UBE3D: variants seen among roughly 807,000 people sequenced by gnomAD.
UBE3D encodes ubiquitin protein ligase E3D.
In UBE3D, 48 loss-of-function variants were observed where a neutral mutation model predicts 49.6. The observed-to-expected ratio is 0.97, with a 90% CI of 0.77 to 1.23. The LOEUF (loss-of-function observed/expected upper bound fraction) is 1.23. Ranked by LOEUF, UBE3D falls within the 50% of genes most tolerant of loss-of-function variation. The pLI is 0.00. For missense variants in UBE3D, 452 were observed against 468.4 expected (o/e 0.96, Z 0.32); for synonymous variants, 189 against 174.2 (o/e 1.08, Z -0.67).
chr6:82,990,922 A>C (rs897978674), intron 8 of UBE3D, among the ~76,000 whole-genome samples: 2 of 151,670 alleles, frequency 1.3e-5, no homozygotes, highest in African/African-American at 4.9e-5. Flanking sequence ...ATAAACTTCT[A>C]AATTGATTGA....
At chr6:82,927,141 T>C (rs1271917449) in intron 9 of UBE3D, among the ~76,000 whole-genome samples, 1 of 152,028 alleles carries the variant, frequency 6.6e-6, no homozygotes, top group East Asian at 1.9e-4. Flanking sequence ...TGCTTCTCTG[T>C]CAAAGATCAG....
At chr6:82,903,827 A>G (rs1771908897) in intron 9 of UBE3D, among the ~76,000 whole-genome samples, 1 of 152,148 alleles carries the variant, frequency 6.6e-6, no homozygotes, top group African/African-American at 2.4e-5. Context: ...GCTTATGAGG[A>G]GTTTATAAAC....
chr6:82,977,006 C>T (rs374757125), intron 8 of UBE3D, among the ~76,000 whole-genome samples: 2 of 146,878 alleles, frequency 1.4e-5, no homozygotes, highest in African/African-American at 2.5e-5. Flanking sequence ...CCCAGCTACT[C>T]GGGAGGCTGA....
intron 2 of UBE3D, among the ~76,000 whole-genome samples, chr6:83,054,772 T>A (rs1171097079): frequency 1.3e-5 from 2 of 152,136 alleles, no homozygotes; most frequent in Non-Finnish European, 2.9e-5. Context: ...TGCCTCAGCC[T>A]CCCGCGTAGC....
At chr6:82,932,668 A>G (rs1341500332) in intron 9 of UBE3D, 4 of 152,124 alleles carry the variant, frequency 2.6e-5, no homozygotes, top group African/African-American at 9.7e-5. Flanking sequence ...GAACTTACTT[A>G]TGTTTTTTCC....
chr6:82,998,155 G>A (rs1023026965), intron 8 of UBE3D, among the ~76,000 whole-genome samples: 1 of 152,216 alleles, frequency 6.6e-6, no homozygotes, highest in Non-Finnish European at 1.5e-5. Context: ...GGATGTTACA[G>A]CAGCAGCTAG....
downstream of UBE3D, among the ~76,000 whole-genome samples, chr6:82,890,904 G>T (rs1049987156): frequency 6.6e-6 from 1 of 152,136 alleles, no homozygotes; most frequent in Non-Finnish European, 1.5e-5. Context: ...TCCAGAGGGA[G>T]AAAAACTATC....
At chr6:83,013,617 T>G (rs1780496852) in intron 8 of UBE3D, among the ~76,000 whole-genome samples, 1 of 152,206 alleles carries the variant, frequency 6.6e-6, no homozygotes, top group Non-Finnish European at 1.5e-5. Flanking sequence ...TTACTAGGCC[T>G]ACCAGGCGTT....
At chr6:83,028,350 A>G (rs1335482066) in intron 5 of UBE3D, among the ~76,000 whole-genome samples, 3 of 152,162 alleles carry the variant, frequency 2.0e-5, no homozygotes, top group Non-Finnish European at 4.4e-5. Context: ...TTTACAATGA[A>G]GATATTTCCT....
At chr6:83,010,942 C>T (rs1486800913) in intron 8 of UBE3D, among the ~76,000 whole-genome samples, 1 of 152,108 alleles carries the variant, frequency 6.6e-6, no homozygotes, top group Non-Finnish European at 1.5e-5. Context: ...ACTTTGCATC[C>T]AGTCAAGTTT....
At chr6:82,906,301 CAG>C (rs1772095839) in intron 9 of UBE3D, among the ~76,000 whole-genome samples, 1 of 152,068 alleles carries the variant, frequency 6.6e-6, no homozygotes, top group African/African-American at 2.4e-5. Flanking sequence ...TTTTGTTCTG[CAG>C]AGTTTTCCAA....
the UBE3D span, among the ~76,000 whole-genome samples, chr6:82,882,496 C>T: frequency 6.6e-6 from 1 of 152,162 alleles, no homozygotes; most frequent in Non-Finnish European, 1.5e-5. Context: ...GCCAGTTCTT[C>T]CCGGCTACCT....
At position 83,019,087 on chromosome 6, in the gene UBE3D, G is replaced by A. The variant is rs184416838; in HGVS notation, c.896C>T (p.Ser299Phe). The A allele has an allele frequency of 6.2e-7, 1 of 1,613,518 alleles. No homozygotes were observed. The highest frequency in any genetic ancestry group is 2.2e-5 in the East Asian group (1 of 44,822). ...CAAGGGGAATTTTTTGATATATTTGGAATTTCTCAAAGATTCAATCACCAA... is the reference window on the plus strand; with the variant it reads ...CAAGGGGAATTTTTTGATATATTTGAAATTTCTCAAAGATTCAATCACCAA... Reference protein sequence around the residue: ...DSLVIESLRNSKYIKKFPLLE... With the variant: ...DSLVIESLRNFKYIKKFPLLE... Residue 299 changes from serine (S) to phenylalanine (F), a missense_variant, in exon 8 of 10, where the codon TCC (serine) becomes TTC (phenylalanine). Physicochemically the swap from Ser to Phe is radical, Grantham distance 155. Coordinates refer to ENST00000369747, the MANE Select transcript of UBE3D (RefSeq NM_198920.3).
chr6:83,008,122 A>T (rs1780104291), intron 8 of UBE3D, among the ~76,000 whole-genome samples: 1 of 152,168 alleles, frequency 6.6e-6, no homozygotes, highest in Non-Finnish European at 1.5e-5. Context: ...ATTTAGCACT[A>T]TTGGCATTTG....
intron 8 of UBE3D, among the ~76,000 whole-genome samples, chr6:82,974,452 T>C (rs138498093): frequency 8.5e-4 from 129 of 152,318 alleles, no homozygotes; most frequent in African/African-American, 3.0e-3. Flanking sequence ...TATCCTCCCA[T>C]ATAAGACATC....
chr6:82,928,858 T>C (rs1175487325), intron 9 of UBE3D, among the ~76,000 whole-genome samples: 1 of 152,196 alleles, frequency 6.6e-6, no homozygotes, highest in African/African-American at 2.4e-5. Context: ...TAATATAAAT[T>C]TGACTGTCTT....
At chr6:83,024,770 T>C (rs1455513742) in intron 5 of UBE3D, among the ~76,000 whole-genome samples, 1 of 152,168 alleles carries the variant, frequency 6.6e-6, no homozygotes, top group African/African-American at 2.4e-5. Flanking sequence ...TTTTCCCCAG[T>C]GCGCATGGGG....
intron 4 of UBE3D, 31 bp downstream of exon 4, chr6:83,044,397 A>C: frequency 1.9e-6 from 3 of 1,605,032 alleles, no homozygotes; most frequent in Non-Finnish European, 2.6e-6. Context: ...ACAGCCTCTA[A>C]ATTACCATTT....
intron 9 of UBE3D, among the ~76,000 whole-genome samples, chr6:82,927,867 C>G (rs1266657946): frequency 1.3e-5 from 2 of 151,618 alleles, no homozygotes; most frequent in Non-Finnish European, 2.9e-5. Context: ...GTATTAAGAT[C>G]AGTCGGTGCC....
Sources: gnomAD v4.1 joint callset for allele counts (sites outside exome capture counted in the v4.1 genomes callset) on GRCh38, gnomAD v4.1.1 for gene constraint, MANE v1.5 for transcripts, NCBI Gene and HGNC (gene_info 2026-07-23, HGNC 2026-07-21) for gene names.